SLC24A2: variants seen among roughly 807,000 people sequenced by gnomAD.
SLC24A2 encodes the protein sodium/potassium/calcium exchanger 2.
In SLC24A2, 36 loss-of-function variants were observed where a neutral mutation model predicts 62.0. The ratio of observed to expected loss-of-function variants is 0.58; its 90% confidence interval spans 0.44 to 0.77. The LOEUF (loss-of-function observed/expected upper bound fraction) is 0.77. SLC24A2 is among the 30% of genes least tolerant of loss of function. The probability of loss-of-function intolerance (pLI) is 0.00; values close to 1 mark genes in which losing one functional copy is unlikely to be tolerated. For missense variants in SLC24A2, 846 were observed against 817.9 expected, an observed-to-expected ratio of 1.03 and a Z score of -0.42; for synonymous variants, 358 against 294.0, an observed-to-expected ratio of 1.22 and a Z score of -2.23.
the SLC24A2 span, among the ~76,000 whole-genome samples, chr9:19,937,988 A>C: frequency 6.6e-6 from 1 of 152,228 alleles, no homozygotes. Context: ...AGAAAACAGA[A>C]CAGTATAAAA....
At position 19,735,304 on chromosome 9, in the gene SLC24A2, G is replaced by A. The variant is rs1257201370; in HGVS notation, c.930+50633C>T. 5.3e-5 allele frequency among the ~76,000 whole-genome samples: 8 copies of A among 152,180 alleles called. No individual in the cohort carries two copies. The East Asian group carries it at 9.6e-4, about 18-fold the overall frequency. The stretch of plus-strand genomic sequence containing the variant: ...GAGAAATGCAAATCAAAACCACAAC[G>A]AGATACCATCTCACACCAGTTAGAA... On this transcript the variant is annotated intron_variant, in intron 2 of 10. Transcript: ENST00000341998.
In SLC24A2 at chr9:19,556,987, A is replaced by G. The variant is rs1423916357; in HGVS notation, c.1348-6719T>C. 1.3e-5 allele frequency among the ~76,000 whole-genome samples: 2 copies of G among 152,204 alleles called. 1 individual carries two copies. Among genetic ancestry groups the G allele is most frequent in the Non-Finnish European group, 2.9e-5 (2 of 68,042 alleles). ...AGTCATTTAGGAGCTTTAGGCCCCA[A>G]GAAAAGGAGCTCCAGAATTTCAGAG... On this transcript the variant is annotated intron_variant, in intron 7 of 10. Coordinates refer to ENST00000341998, the MANE Select transcript of SLC24A2 (RefSeq NM_020344.4).
chr9:19,526,238 T>G (rs1833441673), intron 9 of SLC24A2, among the ~76,000 whole-genome samples: 1 of 152,240 alleles, frequency 6.6e-6, no homozygotes, highest in Non-Finnish European at 1.5e-5. Flanking sequence ...ATATTTTGCT[T>G]ATCCATTCAT....
At chr9:19,678,544 T>C (rs1167506692) in intron 2 of SLC24A2, among the ~76,000 whole-genome samples, 1 of 152,232 alleles carries the variant, frequency 6.6e-6, no homozygotes, top group African/African-American at 2.4e-5. Context: ...AGGTTCTATT[T>C]CTTGTCTTCG....
intron 2 of SLC24A2, among the ~76,000 whole-genome samples, chr9:19,742,141 A>G (rs748327500): frequency 6.6e-6 from 1 of 152,194 alleles, no homozygotes; most frequent in African/African-American, 2.4e-5. Context: ...AATTGCCATA[A>G]AAGTGTTGAT....
At chr9:19,973,337 G>T in the SLC24A2 span, among the ~76,000 whole-genome samples, 1 of 152,174 alleles carries the variant, frequency 6.6e-6, no homozygotes, top group East Asian at 1.9e-4. Context: ...CTCCCTAAGG[G>T]AGAAAAATAA....
chr9:20,164,513 G>A, the SLC24A2 span, among the ~76,000 whole-genome samples: 1 of 150,642 alleles, frequency 6.6e-6, no homozygotes, highest in Non-Finnish European at 1.5e-5. Context: ...TGGAGAAATA[G>A]GAACACTTTT....
At chr9:19,605,516 T>C (rs1676673725) in intron 4 of SLC24A2, among the ~76,000 whole-genome samples, 1 of 152,220 alleles carries the variant, frequency 6.6e-6, no homozygotes. Flanking sequence ...AGCTGATGAA[T>C]AGAAAATCGG....
the SLC24A2 span, among the ~76,000 whole-genome samples, chr9:20,303,270 A>G: frequency 6.6e-6 from 1 of 152,218 alleles, no homozygotes; most frequent in Non-Finnish European, 1.5e-5. Context: ...TCCAAAGGGT[A>G]CATCCCTCCT....
chr9:19,718,047 G>C (rs941087532), intron 2 of SLC24A2, among the ~76,000 whole-genome samples: 3 of 149,214 alleles, frequency 2.0e-5, no homozygotes, highest in Admixed American at 6.7e-5. Flanking sequence ...CGCAATCTCA[G>C]CTCACTGCAA....
At chr9:19,717,125 C>A (rs1820883048) in intron 2 of SLC24A2, among the ~76,000 whole-genome samples, 1 of 152,138 alleles carries the variant, frequency 6.6e-6, no homozygotes, top group South Asian at 2.1e-4. Context: ...GAGGTGGACT[C>A]ACAATATTTG....
the SLC24A2 span, among the ~76,000 whole-genome samples, chr9:20,220,306 G>A: frequency 6.6e-6 from 1 of 152,080 alleles, no homozygotes; most frequent in African/African-American, 2.4e-5. Flanking sequence ...CTCATTAAAA[G>A]GGCTTGGTGG....
chr9:19,979,225 C>T, the SLC24A2 span, among the ~76,000 whole-genome samples: 1 of 152,304 alleles, frequency 6.6e-6, no homozygotes, highest in African/African-American at 2.4e-5. Flanking sequence ...TGTGCATATA[C>T]ATCACTTGGA....
intron 4 of SLC24A2, among the ~76,000 whole-genome samples, chr9:19,603,226 C>T (rs374637706): frequency 1.4e-4 from 22 of 152,178 alleles, no homozygotes; most frequent in African/African-American, 4.6e-4. Flanking sequence ...TGACATCTAT[C>T]ATCTTGGGTA....
chr9:20,228,311 A>G, the SLC24A2 span, among the ~76,000 whole-genome samples: 1 of 152,044 alleles, frequency 6.6e-6, no homozygotes, highest in African/African-American at 2.4e-5. Context: ...CTGCTTTTCA[A>G]AACACAAGCT....
chr9:19,990,622 A>AAC, the SLC24A2 span, among the ~76,000 whole-genome samples: 1 of 144,370 alleles, frequency 6.9e-6, no homozygotes, highest in African/African-American at 2.6e-5. Context: ...AAAACAAAAA[A>AAC]AAAAAAACAA....
intron 10 of SLC24A2, among the ~76,000 whole-genome samples, chr9:19,517,091 C>T (rs768619947): frequency 4.6e-5 from 7 of 152,124 alleles, no homozygotes; most frequent in African/African-American, 7.2e-5. Flanking sequence ...TTTTCATTCA[C>T]CTTTTAAAAT....
the SLC24A2 span, among the ~76,000 whole-genome samples, chr9:20,078,630 C>G: frequency 6.6e-6 from 1 of 152,172 alleles, no homozygotes; most frequent in Non-Finnish European, 1.5e-5. Flanking sequence ...CCATTCCACC[C>G]ACCTCCATCT....
At chr9:19,541,915 G>C (rs891508897) in intron 8 of SLC24A2, among the ~76,000 whole-genome samples, 2 of 152,282 alleles carry the variant, frequency 1.3e-5, no homozygotes, top group Middle Eastern at 3.4e-3. Context: ...CTGGTGCGCC[G>C]TTTTTCAAGC....
Sources: allele counts gnomAD v4.1 joint callset (sites outside exome capture counted in the v4.1 genomes callset), GRCh38; gene constraint gnomAD v4.1.1; transcripts MANE v1.5; gene names NCBI Gene and HGNC (gene_info 2026-07-23, HGNC 2026-07-21).